Variants in ARHGEF12 observed in about 807,000 individuals in gnomAD.
ARHGEF12 encodes KMT2A/ARHGEF12 fusion protein.
In ARHGEF12, 66 loss-of-function variants were observed where a neutral mutation model predicts 211.2. The observed-to-expected ratio is 0.31, with a 90% CI of 0.26 to 0.38. The LOEUF (loss-of-function observed/expected upper bound fraction) is 0.38. Among genes scored for constraint, ARHGEF12 ranks in the 10% least tolerant of loss-of-function variants. ARHGEF12 has a pLI of 1.00. For missense variants in ARHGEF12, 1,429 were observed against 1,869.5 expected, an observed-to-expected ratio of 0.76 and a Z score of 4.34; for synonymous variants, 592 against 638.4, an observed-to-expected ratio of 0.93 and a Z score of 1.09.
intron 30 of ARHGEF12, among the ~76,000 whole-genome samples, chr11:120,472,451 G>C (rs1202029445): frequency 6.6e-6 from 1 of 152,036 alleles, no homozygotes; most frequent in Non-Finnish European, 1.5e-5. Flanking sequence ...GCCTTATATA[G>C]CCATCTGAAT....
intron 1 of ARHGEF12, among the ~76,000 whole-genome samples, chr11:120,339,040 G>A (rs1184872353): frequency 7.6e-6 from 1 of 132,056 alleles, no homozygotes; most frequent in Non-Finnish European, 1.5e-5. Context: ...GCACTGTGCA[G>A]GCACAAGAGA....
chr11:120,452,669 G>C (rs1191359003), intron 22 of ARHGEF12, among the ~76,000 whole-genome samples: 2 of 152,180 alleles, frequency 1.3e-5, no homozygotes, highest in Non-Finnish European at 2.9e-5. Context: ...ATAATATCCA[G>C]AGCATGAGAG....
At chr11:120,359,404 A>ATTTATTTTATTTATTTAT (rs1382594775) in intron 1 of ARHGEF12, among the ~76,000 whole-genome samples, 1 of 151,770 alleles carries the variant, frequency 6.6e-6, no homozygotes, top group Non-Finnish European at 1.5e-5. Context: ...TTTTATTTTT[A>ATTTATTTTATTTATTTAT]TTTATTTATT....
chr11:120,355,382 A>G (rs1002047843), intron 1 of ARHGEF12, among the ~76,000 whole-genome samples: 1 of 152,238 alleles, frequency 6.6e-6, no homozygotes, highest in Non-Finnish European at 1.5e-5. Context: ...CAGCTTCTAC[A>G]TGTAAAGCCT....
intron 4 of ARHGEF12, among the ~76,000 whole-genome samples, chr11:120,420,086 T>A (rs1214300518): frequency 1.3e-5 from 2 of 152,234 alleles, no homozygotes; most frequent in African/African-American, 4.8e-5. Flanking sequence ...GGTAAGTATA[T>A]GAAAGAGATG....
At chr11:120,427,919 C>A in intron 7 of ARHGEF12, 150 bp from the exon 8 acceptor site, 1 of 576,636 alleles carries the variant, frequency 1.7e-6, no homozygotes, top group Non-Finnish European at 2.8e-6. Context: ...GTTTTTTTTT[C>A]TGTGGAGACA....
At position 120,431,813 on chromosome 11, in the gene ARHGEF12, C is replaced by G. The variant is rs946379701; in HGVS notation, c.826C>G (p.Leu276Val). 3.1e-6 allele frequency: 5 copies of G among 1,613,908 alleles called. No individual in the cohort carries two copies. The highest frequency in any genetic ancestry group is 1.6e-4 in the Middle Eastern group (1 of 6,062). The change falls in exon 11 of 41, where the codon CTA (leucine) becomes GTA (valine). Residue 276 changes from leucine to valine, a missense_variant. Physicochemically the swap from Leu to Val is conservative, Grantham distance 32. This residue lies in a region of ARHGEF12 where 254 missense variants were observed against 286.4 expected (regional missense o/e 0.89). Coordinates refer to ENST00000397843, the MANE Select transcript of ARHGEF12 (RefSeq NM_015313.3). Reference protein sequence around the residue: ...VTPSRPLGDTLTVSEAETDPG... With the variant: ...VTPSRPLGDTVTVSEAETDPG... The stretch of plus-strand genomic sequence containing the variant: ...ACCCTCCAGACCTTTAGGGGACACC[C>G]TAACAGTCAGTGAGGCAGAAACAGA...
At chr11:120,479,767 A>T (rs1223281956) in intron 37 of ARHGEF12, among the ~76,000 whole-genome samples, 193 bp from the exon 38 acceptor site, 1 of 152,226 alleles carries the variant, frequency 6.6e-6, no homozygotes, top group Non-Finnish European at 1.5e-5. Flanking sequence ...GCTTTATTTC[A>T]TCTTCAAAAC....
In ARHGEF12 at chr11:120,485,980, C is replaced by T. The variant is rs1947387365; in HGVS notation, c.*903C>T. On this transcript the variant is annotated 3_prime_UTR_variant, in exon 41 of 41. Coordinates refer to ENST00000397843, the MANE Select transcript of ARHGEF12 (RefSeq NM_015313.3). ...GTATCATTTCATTTTTATAATTATA[C>T]ATTAGACATTGGCACTTGTGTAAAA... 2 of 227,146 alleles carry T rather than the reference C, an allele frequency of 8.8e-6. No individual in the cohort carries two copies. The highest frequency in any genetic ancestry group is 5.7e-5 in the Admixed American group (1 of 17,538). 14.1% of individuals were successfully genotyped at this position (227,146 alleles called of 1,614,324 possible).
chr11:120,375,072 G>A (rs1943690294), intron 1 of ARHGEF12, among the ~76,000 whole-genome samples: 1 of 152,134 alleles, frequency 6.6e-6, no homozygotes, highest in South Asian at 2.1e-4. Context: ...AGAGCTAAGA[G>A]AGAAGACTTA....
intron 1 of ARHGEF12, among the ~76,000 whole-genome samples, chr11:120,379,039 G>A (rs1029459629): frequency 1.3e-5 from 2 of 152,130 alleles, no homozygotes; most frequent in African/African-American, 4.8e-5. Context: ...GGATCAGAAT[G>A]TGGAGAATTG....
Position 120,451,572 on chromosome 11 carries a change from C to G in ARHGEF12, c.1904C>G (p.Ser635Cys), listed in dbSNP as rs1211162306. Residue 635 changes from serine to cysteine, a missense_variant, in exon 22 of 41, where the codon TCT becomes TGT. By Grantham distance (112) the Ser-to-Cys change is moderately radical (BLOSUM62 -1). This residue lies in a region of ARHGEF12 where 373 missense variants were observed against 467.5 expected (regional missense o/e 0.80). Coordinates refer to ENST00000397843, the MANE Select transcript of ARHGEF12 (RefSeq NM_015313.3). ...RHPKHLSTPS[S>C]VSPEPQDSAK... ...CCTAAGCACTTATCCACACCCTCATCTGTGAGTCCTGAACCTCAGGACTCT... is the reference window on the plus strand; with the variant it reads ...CCTAAGCACTTATCCACACCCTCATGTGTGAGTCCTGAACCTCAGGACTCT... 6.2e-7 allele frequency: 1 copy of G among 1,614,062 alleles called. No individual in the cohort carries two copies. The highest frequency in any genetic ancestry group is 8.5e-7 in the Non-Finnish European group (1 of 1,180,038).
intron 1 of ARHGEF12, among the ~76,000 whole-genome samples, chr11:120,380,208 T>G (rs533265022): frequency 6.6e-6 from 1 of 152,280 alleles, no homozygotes; most frequent in East Asian, 1.9e-4. Context: ...AAAAGTTGCA[T>G]AAATAACACA....
chr11:120,375,351 G>T (rs762127628), intron 1 of ARHGEF12, among the ~76,000 whole-genome samples: 2 of 152,022 alleles, frequency 1.3e-5, no homozygotes, highest in African/African-American at 2.4e-5. Context: ...TTTAACATCC[G>T]TGTTAGATCA....
At chr11:120,373,491 A>G (rs1943643427) in intron 1 of ARHGEF12, among the ~76,000 whole-genome samples, 1 of 152,248 alleles carries the variant, frequency 6.6e-6, no homozygotes, top group Admixed American at 6.5e-5. Flanking sequence ...CAACACCTAG[A>G]ACAGTGCCTG....
At chr11:120,435,777 A>G (rs1484068737) in intron 11 of ARHGEF12, among the ~76,000 whole-genome samples, 1 of 151,872 alleles carries the variant, frequency 6.6e-6, no homozygotes, top group Non-Finnish European at 1.5e-5. Context: ...CAGCCTCCCA[A>G]AGTGCTGGGA....
At chr11:120,457,664 T>G in intron 23 of ARHGEF12, 57 bp from the exon 24 acceptor site, 2 of 1,381,246 alleles carry the variant, frequency 1.4e-6, no homozygotes, top group Non-Finnish European at 2.0e-6. Context: ...ATCTTTGGTA[T>G]AAATGTATTG....
intron 11 of ARHGEF12, among the ~76,000 whole-genome samples, chr11:120,433,530 CTT>C (rs1945607722): frequency 6.6e-6 from 1 of 152,180 alleles, no homozygotes; most frequent in South Asian, 2.1e-4. Flanking sequence ...TCTTGTCTGA[CTT>C]TATGTTTCCA....
At chr11:120,465,074 C>G (rs957282610) in intron 27 of ARHGEF12, 163 bp from the exon 28 acceptor site, 20 of 841,570 alleles carry the variant, frequency 2.4e-5, no homozygotes, top group Non-Finnish European at 3.4e-5. Flanking sequence ...GTGTCAAGAT[C>G]AGACCTTTTT....
Sources: gnomAD v4.1 joint callset for allele counts (sites outside exome capture counted in the v4.1 genomes callset) on GRCh38, gnomAD v4.1.1 for gene constraint, gnomAD v4.1.1 regional missense constraint, MANE v1.5 for transcripts, NCBI Gene and HGNC (gene_info 2026-07-23, HGNC 2026-07-21) for gene names.